The following SATB2 variants were observed in gnomAD, a reference collection of about 807,000 sequenced individuals.
The protein encoded by SATB2 is SATB homeobox 2, also known as DNA-binding protein SATB2.
A neutral mutation model predicts 73.4 loss-of-function variants in SATB2; 1 was observed. The observed-to-expected ratio is 0.01, with a 90% CI of 0.00 to 0.06. The LOEUF is 0.06. Among genes scored for constraint, SATB2 ranks in the 10% least tolerant of loss-of-function variants. The pLI, the probability that SATB2 is intolerant of heterozygous loss-of-function variation, is 1.00. For synonymous variants in SATB2, 397 were observed against 367.0 expected, an observed-to-expected ratio of 1.08 and a Z score of -0.93; for missense variants, 459 against 945.8, an observed-to-expected ratio of 0.49 and a Z score of 6.75.
At position 199,348,444 on chromosome 2, in the gene SATB2, T is replaced by C. The variant is rs533918456; in HGVS notation, c.1173+257A>G. The stretch of plus-strand genomic sequence containing the variant: ...ATGAGAGAGTACATACCCAAGTCAT[T>C]AGTAACATTTGGGGTCCTGAGTTGC... On this transcript the variant is annotated intron_variant, in intron 7 of 10. Coordinates refer to ENST00000417098, the MANE Select transcript of SATB2 (RefSeq NM_001172509.2). 2.9e-5 allele frequency: 14 copies of C among 483,406 alleles called. No individual in the cohort carries two copies. In the South Asian group the frequency reaches 3.0e-4, roughly 11 times the overall value. The allele number at this position is 483,406 out of a possible 1,614,324, so 29.9% of individuals were successfully genotyped here.
intron 3 of SATB2, among the ~76,000 whole-genome samples, chr2:199,402,290 CA>C (rs1399295303): frequency 2.0e-5 from 3 of 152,178 alleles, no homozygotes; most frequent in Non-Finnish European, 2.9e-5. Flanking sequence ...GACACTGAGG[CA>C]GGAGAATCAC....
intron 3 of SATB2, among the ~76,000 whole-genome samples, chr2:199,428,006 T>G (rs1691387579): frequency 6.6e-6 from 1 of 152,186 alleles, no homozygotes; most frequent in Non-Finnish European, 1.5e-5. Flanking sequence ...TGTCATTGTT[T>G]CCAGTTCATA....
At position 199,331,856 on chromosome 2, in the gene SATB2, G is replaced by A. The variant is rs62178570; in HGVS notation, c.1174-2946C>T. ...AAGATAAGTAAATGTTTATCATATT[G>A]AAACTGTCTTGAATAGAACATAAAT... On this transcript the variant is annotated intron_variant, in intron 7 of 10. Coordinates refer to ENST00000417098, the MANE Select transcript of SATB2 (RefSeq NM_001172509.2). Among the ~76,000 whole-genome samples the A allele has an allele frequency of 9.0e-3, 1,363 of 152,164 alleles. 6 individuals are homozygous for A. The highest frequency in any genetic ancestry group is 0.013 in the Non-Finnish European group (896 of 67,998).
At chr2:199,285,159 C>T (rs954161899) in intron 10 of SATB2, among the ~76,000 whole-genome samples, 6 of 151,934 alleles carry the variant, frequency 3.9e-5, no homozygotes, top group Admixed American at 3.9e-4. Context: ...TATTGGGGTC[C>T]TCAATAGTAA....
chr2:199,426,712 G>A (rs932576803), intron 3 of SATB2, among the ~76,000 whole-genome samples: 117 of 127,594 alleles, frequency 9.2e-4, no homozygotes, highest in African/African-American at 2.9e-3. Context: ...AAAAAAAAAA[G>A]AAAAGAAAAG....
chr2:199,433,558 C>A, intron 2 of SATB2, 44 bp from the exon 3 acceptor site: 1 of 1,564,436 alleles, frequency 6.4e-7, no homozygotes, highest in African/African-American at 1.4e-5. Flanking sequence ...CATTAAAAAG[C>A]AAATCTCAGT....
rs1366222321 is a variant in SATB2, at chr2:199,464,617, G to A, written c.-141+219C>T. On this transcript the variant is annotated intron_variant, in intron 1 of 11. Coordinates refer to the SATB2 transcript ENST00000260926. The surrounding 1 kb of genome is among the most constrained non-coding windows in gnomAD (Gnocchi z 6.6). ...CGGCGCGAACACCAGCGCTCCGGCC[G>A]GGTCGCAGGGGCCGGTGCCCAGCGG... Among the ~76,000 whole-genome samples the A allele has an allele frequency of 6.6e-6, 1 of 152,166 alleles. No individual in the cohort carries two copies. Among genetic ancestry groups the A allele is most frequent in the Non-Finnish European group, 1.5e-5 (1 of 68,022 alleles).
intron 7 of SATB2, among the ~76,000 whole-genome samples, chr2:199,337,610 A>G (rs912244660): frequency 5.3e-5 from 8 of 152,212 alleles, no homozygotes; most frequent in Non-Finnish European, 1.0e-4. Flanking sequence ...GTGTGTGCAC[A>G]TGCTCATCTG....
intron 3 of SATB2, among the ~76,000 whole-genome samples, chr2:199,430,314 C>G (rs1013511081): frequency 6.6e-6 from 1 of 152,220 alleles, no homozygotes; most frequent in East Asian, 1.9e-4. Context: ...AATGCAGAGA[C>G]GTGTACTCAC....
chr2:199,324,785 G>T (rs956612660), intron 8 of SATB2, among the ~76,000 whole-genome samples: 101 of 152,140 alleles, frequency 6.6e-4, no homozygotes, highest in African/African-American at 2.3e-3. Flanking sequence ...TGCATTGCTG[G>T]TGTCTAATAA....
intron 6 of SATB2, among the ~76,000 whole-genome samples, chr2:199,363,074 A>G (rs1689185255): frequency 6.6e-6 from 1 of 152,240 alleles, no homozygotes; most frequent in Non-Finnish European, 1.5e-5. Flanking sequence ...GTTACAGTAC[A>G]GCTGGAATGA....
chr2:199,350,236 T>G (rs1215216007), intron 6 of SATB2, among the ~76,000 whole-genome samples: 1 of 151,974 alleles, frequency 6.6e-6, no homozygotes, highest in Non-Finnish European at 1.5e-5. Context: ...AAGCTAGAGA[T>G]CAAACATATT....
chr2:199,333,916 T>G (rs1688261999), intron 7 of SATB2, among the ~76,000 whole-genome samples: 1 of 152,154 alleles, frequency 6.6e-6, no homozygotes, highest in Admixed American at 6.6e-5. Context: ...ACCCTAGTAC[T>G]TCCCTTTGGA....
chr2:199,316,889 G>A, intron 9 of SATB2, among the ~76,000 whole-genome samples: 1 of 152,016 alleles, frequency 6.6e-6, no homozygotes, highest in Non-Finnish European at 1.5e-5. Context: ...CACTTCAACG[G>A]CAGAAAGATA....
At chr2:199,460,310 T>A (rs1692446605), upstream of SATB2, 1 of 152,336 alleles carries the variant, frequency 6.6e-6, no homozygotes. This position sits in a 1 kb window ranked among gnomAD's most constrained non-coding sequence, Gnocchi z 4.0. Flanking sequence ...AACTTTTTCT[T>A]CAATCTGTAA....
At chr2:199,311,947 C>A (rs1031249321) in intron 9 of SATB2, among the ~76,000 whole-genome samples, 1 of 152,056 alleles carries the variant, frequency 6.6e-6, no homozygotes, top group Non-Finnish European at 1.5e-5. Flanking sequence ...TTGTGAGTGA[C>A]CCCATCACAG....
chr2:199,459,524 G>A (rs1395742515), upstream of SATB2: 2 of 152,448 alleles, frequency 1.3e-5, no homozygotes, highest in African/African-American at 4.8e-5. The surrounding 1 kb of genome is among the most constrained non-coding windows in gnomAD (Gnocchi z 4.2). Flanking sequence ...TAGCCGCTAG[G>A]ACCTTAGGCG....
chr2:199,270,856 C>T lies in SATB2; in HGVS notation c.*1355G>A, dbSNP rs1231466887. On this transcript the variant is annotated 3_prime_UTR_variant, in exon 11 of 11. Transcript: ENST00000417098. ...TACTCTATTGCCTGGAGCTGCACAA[C>T]GATTCAAAAACAGTTCTTGTTAGGG... 1.3e-5 allele frequency: 2 copies of T among 152,242 alleles called. No individual in the cohort carries two copies. The highest frequency in any genetic ancestry group is 2.9e-5 in the Non-Finnish European group (2 of 68,044). 9.4% of individuals were successfully genotyped at this position (152,242 alleles called of 1,614,324 possible).
At chr2:199,399,729 G>A (rs368210732) in intron 3 of SATB2, among the ~76,000 whole-genome samples, 8 of 152,040 alleles carry the variant, frequency 5.3e-5, no homozygotes, top group Admixed American at 1.3e-4. Flanking sequence ...CAAGAGAAGC[G>A]GAGAGGTGCC....
Sources: gnomAD v4.1 joint callset for allele counts (sites outside exome capture counted in the v4.1 genomes callset) on GRCh38, gnomAD v4.1.1 for gene constraint, Gnocchi (gnomAD v3.1) non-coding constraint, MANE v1.5 for transcripts, NCBI Gene and HGNC (gene_info 2026-07-23, HGNC 2026-07-21) for gene names.